PRUNE2: variants seen among roughly 807,000 people sequenced by gnomAD.
PRUNE2 encodes the protein prune homolog 2 with BCH domain.
Under a neutral mutation model 252.0 loss-of-function variants are expected in PRUNE2, and 164 were observed. The ratio of observed to expected loss-of-function variants is 0.65; its 90% CI spans 0.57 to 0.74. PRUNE2 has a LOEUF of 0.74. Among genes scored for constraint, PRUNE2 ranks in the 30% least tolerant of loss-of-function variants. The pLI is 0.00. For missense variants in PRUNE2, 3,495 were observed against 3,711.0 expected (o/e 0.94, Z 1.51); for synonymous variants, 1,292 against 1,350.2 (o/e 0.96, Z 0.94).
chr9:76,852,798 GTCTGTCTGTCTATCTATCTATCTA>G (rs2060031740), intron 2 of PRUNE2, among the ~76,000 whole-genome samples: 2 of 90,072 alleles, frequency 2.2e-5, no homozygotes, highest in African/African-American at 1.4e-4. Context: ...CTAGCCATCT[GTCTGTCTGTCTATCTATCTATCTA>G]TCTATCTATC....
At chr9:76,872,206 C>A (rs2061245272) in intron 1 of PRUNE2, among the ~76,000 whole-genome samples, 1 of 152,126 alleles carries the variant, frequency 6.6e-6, no homozygotes, top group African/African-American at 2.4e-5. Context: ...CAGGCACATT[C>A]AAACCCTCCC....
At chr9:76,685,864 T>A (rs967539088) in intron 9 of PRUNE2, among the ~76,000 whole-genome samples, 4 of 152,164 alleles carry the variant, frequency 2.6e-5, no homozygotes, top group African/African-American at 7.2e-5. Context: ...AAGGAGTATA[T>A]CAGTCCTTTC....
intron 11 of PRUNE2, 87 bp from the exon 12 acceptor site, chr9:76,644,996 A>C: frequency 1.7e-6 from 2 of 1,211,788 alleles, no homozygotes; most frequent in Non-Finnish European, 2.3e-6. Flanking sequence ...TTTACAATAC[A>C]GTACTCCTAC....
In PRUNE2 at chr9:76,711,144, G is replaced by A. The variant is rs368829196; in HGVS notation, c.1130C>T (p.Pro377Leu). The A allele has an allele frequency of 6.2e-7, 1 of 1,613,840 alleles. No homozygotes were observed. The highest frequency in any genetic ancestry group is 8.5e-7 in the Non-Finnish European group (1 of 1,179,874). The change falls in exon 8 of 19, where the codon CCC (proline) becomes CTC (leucine). Residue 377 changes from proline to leucine, a missense_variant. Physicochemically the swap from Pro to Leu is moderately conservative, Grantham distance 98. Transcript: ENST00000376718. ...AATCCCAGAAGACCCCTGGGAGAGGGGGGCACTGCCTGCCACGGCTTCTGT... is the reference window on the plus strand; with the variant it reads ...AATCCCAGAAGACCCCTGGGAGAGGAGGGCACTGCCTGCCACGGCTTCTGT... ...SSTEAVAGSA[P>L]LSQGSSGIME...
chr9:76,665,872 A>G (rs1304357011), intron 9 of PRUNE2, among the ~76,000 whole-genome samples: 1 of 152,184 alleles, frequency 6.6e-6, no homozygotes, highest in Admixed American at 6.5e-5. Flanking sequence ...CCAAGGCAAA[A>G]GACTGAGGGC....
At chr9:76,844,615 A>T (rs573451839) in intron 4 of PRUNE2, among the ~76,000 whole-genome samples, 1 of 152,258 alleles carries the variant, frequency 6.6e-6, no homozygotes, top group Admixed American at 6.5e-5. Context: ...CCACATACAT[A>T]CACACACATA....
At position 76,774,463 on chromosome 9, in the gene PRUNE2, T is replaced by TA. The variant is rs1487883612; in HGVS notation, c.756+49168_756+49169insT. On this transcript the variant is annotated intron_variant, in intron 6 of 18. Transcript: ENST00000376718. The stretch of plus-strand genomic sequence containing the variant: ...TCCAGTTCAACCCTTTTTTTTTTTT[T>TA]TTTTTTTTTTTTTTGAGATGGAGTC... Among the ~76,000 whole-genome samples the TA allele has an allele frequency of 4.9e-3, 687 of 141,092 alleles. 11 individuals carry two copies. Among genetic ancestry groups the TA allele is most frequent in the Admixed American group, 6.9e-3 (96 of 14,000 alleles). 92.6% of individuals were successfully genotyped at this position (141,092 alleles called of 152,430 possible). A position where few individuals can be genotyped will look rare whatever the true frequency, so the allele number is the denominator to read the frequency against.
Position 76,705,347 on chromosome 9 carries a change from G to C in PRUNE2, c.6927C>G (p.Leu2309=). Reference sequence around the variant, plus strand: ...CATCTATTGTTCCCGTGGATGTGTTGAGACCTGAGGCATCGCTGAAACTGT... The same window carrying C: ...CATCTATTGTTCCCGTGGATGTGTTCAGACCTGAGGCATCGCTGAAACTGT... ...FDHSFSDASG[L]NTSTGTIDDM... The change falls in exon 8 of 19, where the codon CTC becomes CTG. Residue 2309 remains leucine, a synonymous_variant. Coordinates refer to ENST00000376718, the MANE Select transcript of PRUNE2 (RefSeq NM_015225.3). 6.2e-7 allele frequency: 1 copy of C among 1,614,020 alleles called. No homozygotes were observed. Among genetic ancestry groups the C allele is most frequent in the African/African-American group, 1.3e-5 (1 of 75,062 alleles).
Position 76,673,673 on chromosome 9 carries a change from G to A in PRUNE2, c.8277-18171C>T, listed in dbSNP as rs541805972. 6.2e-3 allele frequency among the ~76,000 whole-genome samples: 913 copies of A among 147,352 alleles called. 7 individuals are homozygous for A. Among genetic ancestry groups the A allele is most frequent in the African/African-American group, 0.021 (852 of 39,844 alleles). Reference sequence around the variant, plus strand: ...ATCCTCAATAAAATACTGGCAAAACGAATCCAGCAGCACATCAAAAAGCTT... The same window carrying A: ...ATCCTCAATAAAATACTGGCAAAACAAATCCAGCAGCACATCAAAAAGCTT... On this transcript the variant is annotated intron_variant, in intron 9 of 18. Coordinates refer to ENST00000376718, the MANE Select transcript of PRUNE2 (RefSeq NM_015225.3).
intron 9 of PRUNE2, among the ~76,000 whole-genome samples, chr9:76,675,043 C>A (rs1293103190): frequency 1.7e-5 from 1 of 59,558 alleles, no homozygotes; most frequent in Non-Finnish European, 4.4e-5. Context: ...GCAATGGCAA[C>A]AAAAGCCAAA....
chr9:76,660,798 A>AAAG (rs1554669340), intron 9 of PRUNE2, among the ~76,000 whole-genome samples: 5 of 141,024 alleles, frequency 3.5e-5, no homozygotes, highest in Non-Finnish European at 7.6e-5. Context: ...AAAAAAAAAA[A>AAAG]AAAGAAAGAA....
chr9:76,684,078 T>C (rs761617623), intron 9 of PRUNE2, among the ~76,000 whole-genome samples: 11 of 152,108 alleles, frequency 7.2e-5, no homozygotes, highest in African/African-American at 1.4e-4. Context: ...CTCACATACT[T>C]ATGTTTTTTG....
At chr9:76,617,453 A>T (rs1447594571) in intron 18 of PRUNE2, among the ~76,000 whole-genome samples, 1 of 152,078 alleles carries the variant, frequency 6.6e-6, no homozygotes, top group East Asian at 1.9e-4. Context: ...GTGCCAGAAG[A>T]AGTAAATGCA....
rs116462412 is a variant in PRUNE2 at position 76,705,243 on chromosome 9, G to A, written c.7031C>T (p.Ser2344Leu). 1.0e-4 allele frequency: 162 copies of A among 1,614,044 alleles called. No homozygotes were observed. The African/African-American group carries it at 1.7e-3, about 17-fold the overall frequency. ...DGDLGKQDICSSEASWGDFEY... is the reference protein window; with the variant it reads ...DGDLGKQDICLSEASWGDFEY... ...AAAATCACCCCACGAGGCTTCAGAT[G>A]AGCAGATATCTTGCTTCCCTAGGTC... The change falls in exon 8 of 19, where the codon TCA becomes TTA. Residue 2344 changes from serine (S) to leucine (L), a missense_variant. Transcript: ENST00000376718.
intron 17 of PRUNE2, among the ~76,000 whole-genome samples, chr9:76,622,021 C>G (rs1832549802): frequency 6.6e-6 from 1 of 152,080 alleles, no homozygotes; most frequent in Non-Finnish European, 1.5e-5. Context: ...TCTAGAGCTG[C>G]TGAATCAGAA....
Position 76,704,828 on chromosome 9 carries a change from G to T in PRUNE2, c.7446C>A (p.Asn2482Lys). ...GAGSNILSPSNVDWEVETDNS... is the reference protein window; with the variant it reads ...GAGSNILSPSKVDWEVETDNS... Reference sequence around the variant, plus strand: ...TATCTGTTTCTACTTCCCAGTCAACGTTTGATGGAGACAAAATGTTGGAGC... The same window carrying T: ...TATCTGTTTCTACTTCCCAGTCAACTTTTGATGGAGACAAAATGTTGGAGC... Residue 2482 changes from asparagine (N) to lysine (K), a missense_variant, in exon 8 of 19, where the codon AAC becomes AAA. Coordinates refer to ENST00000376718, the MANE Select transcript of PRUNE2 (RefSeq NM_015225.3). The T allele has an allele frequency of 6.3e-7, 1 of 1,591,974 alleles. No homozygotes were observed. Among genetic ancestry groups the T allele is most frequent in the African/African-American group, 1.3e-5 (1 of 74,734 alleles).
intron 4 of PRUNE2, among the ~76,000 whole-genome samples, chr9:76,844,098 G>C (rs17063064): frequency 0.085 from 12,926 of 152,238 alleles, 699 homozygotes; most frequent in East Asian, 0.15. Context: ...CTCCAACATA[G>C]TTTTTACCTC....
rs376183277 is a variant in PRUNE2 at position 76,783,887 on chromosome 9, G to C, written c.756+39745C>G. ...CAGGAAGCACAAAAGGAAGCACAGA[G>C]GTAAGTGCTTTATAAAGCACTCAAT... On this transcript the variant is annotated intron_variant, in intron 6 of 18. Coordinates refer to ENST00000376718, the MANE Select transcript of PRUNE2 (RefSeq NM_015225.3). The C allele has an allele frequency of 5.9e-5, 9 of 152,272 alleles. No individual in the cohort carries two copies. In the East Asian group the frequency reaches 1.2e-3, roughly 20 times the overall value. The allele number at this position is 152,272 out of a possible 1,614,324, so 9.4% of individuals were successfully genotyped here. A position where few individuals can be genotyped will look rare whatever the true frequency, so the allele number is the denominator to read the frequency against.
At position 76,826,641 on chromosome 9, in the gene PRUNE2, A is replaced by G. The variant is rs753113081; in HGVS notation, c.600T>C (p.Pro200=). 6.2e-7 allele frequency: 1 copy of G among 1,613,250 alleles called. No homozygotes were observed. Among genetic ancestry groups the G allele is most frequent in the South Asian group, 1.1e-5 (1 of 90,832 alleles). Residue 200 remains proline (P), a synonymous_variant, in exon 5 of 19, where the codon CCT becomes CCC. Transcript: ENST00000376718. ...TGATGTCCTCTCTTGGAGGCAAGTT[A>G]GGAAATTTTTCTTCCAGGATAGAAA... is the stretch of plus-strand genomic sequence containing the variant. The part of the protein sequence containing the change: ...EILSILEEKF[P]NLPPREDIIN...
Sources: gnomAD v4.1 joint callset for allele counts (sites outside exome capture counted in the v4.1 genomes callset) on GRCh38, gnomAD v4.1.1 for gene constraint, MANE v1.5 for transcripts, NCBI Gene and HGNC (gene_info 2026-07-23, HGNC 2026-07-21) for gene names.